PRKN: variants seen among roughly 807,000 people sequenced by gnomAD.
PRKN encodes parkin RBR E3 ubiquitin protein ligase.
In PRKN, 56 loss-of-function variants were observed where a neutral mutation model predicts 59.5. The ratio of observed to expected loss-of-function variants is 0.94; its 90% CI spans 0.76 to 1.18. The LOEUF (loss-of-function observed/expected upper bound fraction) is 1.18, where lower values mean the gene tolerates loss of function less well. Ranked by LOEUF, PRKN falls within the 50% of genes most tolerant of loss-of-function variation. The pLI is 0.00. For missense variants in PRKN, 657 were observed against 596.4 expected (o/e 1.10, Z -1.06); for synonymous variants, 250 against 222.1 (o/e 1.13, Z -1.12).
rs536783968 is a variant in PRKN, at chr6:161,399,086, C to T, written c.1084-12209G>A. ...GAGAAGAGAAGGAATATCTGAATGT[C>T]GAGAGGAGTTCTGCTGCAGACAGTT... On this transcript the variant is annotated intron_variant, in intron 9 of 11. Coordinates refer to ENST00000366898, the MANE Select transcript of PRKN (RefSeq NM_004562.3). This position sits in a 1 kb window ranked among gnomAD's most constrained non-coding sequence, Gnocchi z 4.4. Among the ~76,000 whole-genome samples, 4 of 152,126 alleles carry T rather than the reference C, an allele frequency of 2.6e-5. No homozygotes were observed. Among genetic ancestry groups the T allele is most frequent in the Admixed American group, 6.5e-5 (1 of 15,268 alleles).
intron 1 of PRKN, among the ~76,000 whole-genome samples, chr6:162,547,292 T>C (rs1779159753): frequency 6.6e-6 from 1 of 152,184 alleles, no homozygotes; most frequent in South Asian, 2.1e-4. Context: ...ATATGTCACA[T>C]ACGAAATTAG....
intron 9 of PRKN, among the ~76,000 whole-genome samples, chr6:161,494,422 C>A (rs1777668829): frequency 6.6e-6 from 1 of 152,302 alleles, no homozygotes; most frequent in African/African-American, 2.4e-5. Flanking sequence ...GCCTGTGGAA[C>A]AAGGGACTGA....
rs138782020 is a variant in PRKN at position 161,961,874 on chromosome 6, T to C, written c.734+11428A>G. Reference sequence around the variant, plus strand: ...GACTGCGTTGCCTGTGATACTGATATAATAGAATGCTGGTATATCTGTGTA... The same window carrying C: ...GACTGCGTTGCCTGTGATACTGATACAATAGAATGCTGGTATATCTGTGTA... On this transcript the variant is annotated intron_variant, in intron 6 of 11. Transcript: ENST00000366898. Among the ~76,000 whole-genome samples, 3 of 152,300 alleles carry C rather than the reference T, an allele frequency of 2.0e-5. No homozygotes were observed. The East Asian group carries it at 5.8e-4, about 29-fold the overall frequency.
intron 1 of PRKN, among the ~76,000 whole-genome samples, chr6:162,681,459 C>A (rs1443269492): frequency 6.6e-6 from 1 of 152,116 alleles, no homozygotes; most frequent in Non-Finnish European, 1.5e-5. Flanking sequence ...ACTTTCCACA[C>A]CTAAGTAACA....
chr6:161,825,877 A>G (rs1792223302), intron 6 of PRKN, among the ~76,000 whole-genome samples: 1 of 152,158 alleles, frequency 6.6e-6, no homozygotes, highest in Non-Finnish European at 1.5e-5. Flanking sequence ...ATACAAACAC[A>G]CCTGCTAAGG....
intron 7 of PRKN, among the ~76,000 whole-genome samples, chr6:161,697,174 T>C (rs1265359737): frequency 6.6e-6 from 1 of 152,162 alleles, no homozygotes; most frequent in Non-Finnish European, 1.5e-5. Context: ...ATATAGTATC[T>C]GAAATAAGGA....
At chr6:161,991,418 C>T (rs1423154932) in intron 5 of PRKN, among the ~76,000 whole-genome samples, 1 of 152,154 alleles carries the variant, frequency 6.6e-6, no homozygotes, top group Non-Finnish European at 1.5e-5. Flanking sequence ...AGGAACAAAG[C>T]ATATGCGAAA....
At chr6:161,859,022 A>G (rs9355940) in intron 6 of PRKN, among the ~76,000 whole-genome samples, 74,719 of 150,238 alleles carry the variant, frequency 0.5, 18,844 homozygotes, top group East Asian at 0.76. Context: ...GGTGCCCACC[A>G]ACATACCCAG....
rs548275789 is a variant in PRKN at position 161,368,965 on chromosome 6, G to A, written c.1168-8760C>T. ...CCTGTGCTTCCTATCCTCACCCAGC[G>A]GATCCACGGGGAGGGAGGGGAGTCC... is the stretch of plus-strand genomic sequence containing the variant. On this transcript the variant is annotated intron_variant, in intron 10 of 11. Transcript: ENST00000366898. Among the ~76,000 whole-genome samples, 84 of 152,172 alleles carry A rather than the reference G, an allele frequency of 5.5e-4. No homozygotes were observed. The South Asian group carries it at 0.016, about 29-fold the overall frequency.
intron 7 of PRKN, among the ~76,000 whole-genome samples, chr6:161,604,364 A>G (rs1785362670): frequency 6.6e-6 from 1 of 152,216 alleles, no homozygotes; most frequent in Admixed American, 6.5e-5. Context: ...AGGAGTCATG[A>G]AGCTGCCTCC....
chr6:162,598,331 T>C (rs550128189), intron 1 of PRKN, among the ~76,000 whole-genome samples: 1 of 152,308 alleles, frequency 6.6e-6, no homozygotes, highest in Non-Finnish European at 1.5e-5. Flanking sequence ...TTCATTTATA[T>C]ACTATTTCAA....
chr6:162,111,979 T>C (rs1025099588), intron 4 of PRKN, among the ~76,000 whole-genome samples: 2 of 152,204 alleles, frequency 1.3e-5, no homozygotes, highest in African/African-American at 4.8e-5. Flanking sequence ...ACTGAAGTCA[T>C]CCAGAATATC....
intron 7 of PRKN, among the ~76,000 whole-genome samples, chr6:161,735,953 T>G (rs1787948231): frequency 6.6e-6 from 1 of 152,092 alleles, no homozygotes; most frequent in South Asian, 2.1e-4. Context: ...TAAAAATCTA[T>G]TTTGCATCCT....
chr6:162,727,020 T>A (rs1211850657), intron 1 of PRKN: 1 of 151,780 alleles, frequency 6.6e-6, no homozygotes, highest in Non-Finnish European at 1.5e-5. Flanking sequence ...AAAGAAAGGT[T>A]ATTTTGCAAA....
intron 7 of PRKN, among the ~76,000 whole-genome samples, chr6:161,601,734 C>T (rs1003841827): frequency 1.3e-5 from 2 of 152,030 alleles, no homozygotes; most frequent in African/African-American, 4.8e-5. Context: ...AGGCGCCCGC[C>T]ACCACGCCTG....
intron 2 of PRKN, among the ~76,000 whole-genome samples, chr6:162,439,490 G>A (rs1789949221): frequency 6.6e-6 from 1 of 151,936 alleles, no homozygotes; most frequent in African/African-American, 2.4e-5. Flanking sequence ...GAAAACTCAA[G>A]AAATTCACCT....
intron 2 of PRKN, among the ~76,000 whole-genome samples, chr6:162,355,592 T>C (rs1029624668): frequency 1.3e-5 from 2 of 151,710 alleles, no homozygotes; most frequent in African/African-American, 4.8e-5. Flanking sequence ...GCAGCTGTAG[T>C]AGCAAGAAGA....
chr6:162,396,517 G>A (rs1019208807), intron 2 of PRKN, among the ~76,000 whole-genome samples: 10 of 152,144 alleles, frequency 6.6e-5, no homozygotes, highest in African/African-American at 2.4e-4. Flanking sequence ...TCATGGTGGA[G>A]CCTCGTGACA....
chr6:161,795,834 T>C lies in PRKN; in HGVS notation c.735-9926A>G, dbSNP rs372673556. Among the ~76,000 whole-genome samples, 208 of 152,134 alleles carry C rather than the reference T, an allele frequency of 1.4e-3. 8 individuals are homozygous for C. In the South Asian group the frequency reaches 0.039, roughly 29 times the overall value. On this transcript the variant is annotated intron_variant, in intron 6 of 11. Transcript: ENST00000366898. ...ATGAGTTAGCCTGACCAAGAAACTA[T>C]AGGGAAGTGGGAAAAAGATGTGAAA...
Sources: gnomAD v4.1 joint callset for allele counts (sites outside exome capture counted in the v4.1 genomes callset) on GRCh38, gnomAD v4.1.1 for gene constraint, Gnocchi (gnomAD v3.1) non-coding constraint, MANE v1.5 for transcripts, NCBI Gene and HGNC (gene_info 2026-07-23, HGNC 2026-07-21) for gene names.